Variants in CAMK4 observed in about 807,000 individuals in gnomAD.
CAMK4 encodes the protein calcium/calmodulin dependent protein kinase IV, also known as calcium/calmodulin-dependent protein kinase type IV.
In CAMK4, 22 loss-of-function variants were observed where a neutral mutation model predicts 44.9. The ratio of observed to expected loss-of-function variants is 0.49; its 90% CI spans 0.35 to 0.70. The LOEUF (loss-of-function observed/expected upper bound fraction) is 0.70. Ranked by LOEUF, CAMK4 falls within the 30% of genes least tolerant of loss-of-function variation. CAMK4 has a pLI of 0.01. For missense variants in CAMK4, 498 were observed against 586.8 expected (o/e 0.85, Z 1.56); for synonymous variants, 218 against 215.4 (o/e 1.01, Z -0.11).
In CAMK4 at chr5:111,285,251, C is replaced by T. The variant is rs553731580; in HGVS notation, c.162-58773C>T. 8.5e-5 allele frequency among the ~76,000 whole-genome samples: 13 copies of T among 152,284 alleles called. No homozygotes were observed. In the South Asian group the frequency reaches 2.7e-3, roughly 32 times the overall value. ...GCTTATATATGATTTGGGAAATGAA[C>T]TATACACATACACACACATCTGAGA... On this transcript the variant is annotated intron_variant, in intron 1 of 10. Coordinates refer to ENST00000282356, the MANE Select transcript of CAMK4 (RefSeq NM_001744.6).
rs542846823 is a variant in CAMK4 at position 111,366,800 on chromosome 5, A to C, written c.241-8050A>C. On this transcript the variant is annotated intron_variant, in intron 2 of 10. Transcript: ENST00000282356. The stretch of plus-strand genomic sequence containing the variant: ...TTTCTTTCAGTTTTAAGAAATCTTG[A>C]GTGTCATGGAGTCTTGAAACTATAA... 4.6e-5 allele frequency among the ~76,000 whole-genome samples: 7 copies of C among 152,132 alleles called. No individual in the cohort carries two copies. In the South Asian group the frequency reaches 1.0e-3, roughly 23 times the overall value.
rs188554297 is a variant in CAMK4 at position 111,276,112 on chromosome 5, A to C, written c.161+51468A>C. On this transcript the variant is annotated intron_variant, in intron 1 of 10. Coordinates refer to ENST00000282356, the MANE Select transcript of CAMK4 (RefSeq NM_001744.6). ...ATTGTGAGGGCTAATGCTTTTATTT[A>C]GGTTTGAGAAATATTCAGTTATAAT... 5.9e-5 allele frequency among the ~76,000 whole-genome samples: 9 copies of C among 152,294 alleles called. 1 individual carries two copies. The highest frequency in any genetic ancestry group is 2.2e-4 in the African/African-American group (9 of 41,568).
At chr5:111,385,292 CA>C (rs1751558630) in intron 4 of CAMK4, among the ~76,000 whole-genome samples, 1 of 151,866 alleles carries the variant, frequency 6.6e-6, no homozygotes, top group African/African-American at 2.4e-5. Flanking sequence ...GAGTACAAAA[CA>C]AGGGGGTTTT....
chr5:111,326,651 C>G (rs1449050630), intron 1 of CAMK4, among the ~76,000 whole-genome samples: 1 of 147,968 alleles, frequency 6.8e-6, no homozygotes, highest in African/African-American at 2.5e-5. Context: ...ATATGCTTTG[C>G]GTGTCTCTCT....
chr5:111,447,554 T>C (rs1359251720), intron 6 of CAMK4, among the ~76,000 whole-genome samples: 3 of 152,168 alleles, frequency 2.0e-5, no homozygotes, highest in Admixed American at 2.0e-4. Context: ...ATTAGCACTT[T>C]AGAAAAAAAT....
intron 8 of CAMK4, among the ~76,000 whole-genome samples, chr5:111,478,137 T>A (rs1284122502): frequency 6.6e-6 from 1 of 151,534 alleles, no homozygotes; most frequent in Non-Finnish European, 1.5e-5. Flanking sequence ...ATTATAATTA[T>A]TATTATAGCT....
intron 1 of CAMK4, among the ~76,000 whole-genome samples, chr5:111,270,728 A>G (rs191692942): frequency 2.6e-5 from 4 of 152,166 alleles, no homozygotes; most frequent in Non-Finnish European, 4.4e-5. Flanking sequence ...CAAAACTTCA[A>G]TTTGGATCAG....
chr5:111,455,393 A>G (rs1221089101), intron 7 of CAMK4, among the ~76,000 whole-genome samples: 1 of 152,168 alleles, frequency 6.6e-6, no homozygotes, highest in Non-Finnish European at 1.5e-5. Context: ...TTCTGTCATA[A>G]TTATCAATAA....
rs561482888 is a variant in CAMK4, at chr5:111,366,804, T to C, written c.241-8046T>C. ...TTTCAGTTTTAAGAAATCTTGAGTG[T>C]CATGGAGTCTTGAAACTATAAAAAC... On this transcript the variant is annotated intron_variant, in intron 2 of 10. Coordinates refer to ENST00000282356, the MANE Select transcript of CAMK4 (RefSeq NM_001744.6). Among the ~76,000 whole-genome samples, 11 of 152,220 alleles carry C rather than the reference T, an allele frequency of 7.2e-5. No homozygotes were observed. The South Asian group carries it at 2.3e-3, about 32-fold the overall frequency.
At chr5:111,243,454 C>G (rs531549245) in intron 1 of CAMK4, among the ~76,000 whole-genome samples, 1 of 152,326 alleles carries the variant, frequency 6.6e-6, no homozygotes, top group African/African-American at 2.4e-5. Flanking sequence ...AGGAAGCACA[C>G]AGATGGGCGT....
intron 1 of CAMK4, among the ~76,000 whole-genome samples, chr5:111,332,421 A>G (rs1749209700): frequency 6.6e-6 from 1 of 151,320 alleles, no homozygotes; most frequent in African/African-American, 2.4e-5. Flanking sequence ...ATCATTTTTT[A>G]TGGCTACATA....
intron 4 of CAMK4, among the ~76,000 whole-genome samples, chr5:111,384,310 G>A (rs543016082): frequency 3.9e-5 from 6 of 152,246 alleles, no homozygotes; most frequent in South Asian, 2.1e-4. Context: ...TTTGGACAGC[G>A]TCTCTTTTTC....
chr5:111,235,807 G>A (rs927006459), intron 1 of CAMK4, among the ~76,000 whole-genome samples: 8 of 152,196 alleles, frequency 5.3e-5, no homozygotes, highest in Non-Finnish European at 7.3e-5. Flanking sequence ...GCGTTGGTCC[G>A]AGCCTGAGCC....
At chr5:111,401,150 T>A (rs530623557) in intron 5 of CAMK4, among the ~76,000 whole-genome samples, 34 of 152,268 alleles carry the variant, frequency 2.2e-4, no homozygotes, top group African/African-American at 7.7e-4. Flanking sequence ...CTTCTCTTCC[T>A]TTTTTTGAGA....
intron 1 of CAMK4, among the ~76,000 whole-genome samples, chr5:111,315,694 A>G (rs1307952478): frequency 6.6e-6 from 1 of 152,102 alleles, no homozygotes; most frequent in Non-Finnish European, 1.5e-5. Context: ...TGTGCGTAGG[A>G]GGAGCTAAAT....
intron 2 of CAMK4, among the ~76,000 whole-genome samples, chr5:111,363,171 G>A (rs1580653681): frequency 6.6e-6 from 1 of 152,056 alleles, no homozygotes; most frequent in African/African-American, 2.4e-5. Flanking sequence ...TTTTCCAAGT[G>A]TTCTTCACTT....
chr5:111,284,941 T>C (rs1361352192), intron 1 of CAMK4, among the ~76,000 whole-genome samples: 2 of 152,220 alleles, frequency 1.3e-5, no homozygotes, highest in African/African-American at 4.8e-5. Flanking sequence ...AAATTGCCCA[T>C]GGAACCTAAC....
In CAMK4 at chr5:111,352,967, A is replaced by G. The variant is rs530078943; in HGVS notation, c.240+8865A>G. Among the ~76,000 whole-genome samples the G allele has an allele frequency of 1.2e-4, 18 of 152,178 alleles. No homozygotes were observed. In the South Asian group the frequency reaches 3.5e-3, roughly 30 times the overall value. On this transcript the variant is annotated intron_variant, in intron 2 of 10. Coordinates refer to ENST00000282356, the MANE Select transcript of CAMK4 (RefSeq NM_001744.6). ...AAAAGGATTCCCTCACATTCTATGG[A>G]TGGGAGTGCAAAATTGACACAGACT...
intron 7 of CAMK4, among the ~76,000 whole-genome samples, chr5:111,451,230 T>C (rs1754220304): frequency 8.6e-6 from 1 of 116,840 alleles, no homozygotes; most frequent in Admixed American, 8.3e-5. Context: ...TCATAGAATT[T>C]CCCTGTACTA....
Sources: allele counts gnomAD v4.1 joint callset (sites outside exome capture counted in the v4.1 genomes callset), GRCh38; gene constraint gnomAD v4.1.1; transcripts MANE v1.5; gene names NCBI Gene and HGNC (gene_info 2026-07-23, HGNC 2026-07-21).